Variants in SRGAP3 observed in about 807,000 individuals in gnomAD.
The protein encoded by SRGAP3 is SLIT-ROBO Rho GTPase activating protein 3.
Under a neutral mutation model 121.1 loss-of-function variants are expected in SRGAP3, and 39 were observed. That is an observed-to-expected ratio of 0.32 (90% confidence interval 0.25 to 0.42). SRGAP3 has a LOEUF of 0.42. SRGAP3 is among the 10% of genes least tolerant of loss of function. The pLI is 1.00. For missense variants in SRGAP3, 1,213 were observed against 1,470.6 expected, an observed-to-expected ratio of 0.82 and a Z score of 2.86; for synonymous variants, 601 against 570.0, an observed-to-expected ratio of 1.05 and a Z score of -0.77.
At chr3:9,351,297 G>C (rs549019868) in intron 1 of SRGAP3, among the ~76,000 whole-genome samples, 1 of 152,296 alleles carries the variant, frequency 6.6e-6, no homozygotes, top group South Asian at 2.1e-4. Context: ...CCATGTGCCA[G>C]AAATTTTACC....
chr3:9,360,457 TGTTCTATGTTTAATTTTTTGACGAAAG>T (rs560152376), intron 1 of SRGAP3, among the ~76,000 whole-genome samples: 1 of 152,328 alleles, frequency 6.6e-6, no homozygotes, highest in Admixed American at 6.5e-5. Context: ...GTGAGTAATG[TGTTCTATGTTTAATTTTTTGACGAAAG>T]GCTAAATTGT....
chr3:9,359,087 A>G (rs1272185719), intron 1 of SRGAP3, among the ~76,000 whole-genome samples: 1 of 152,216 alleles, frequency 6.6e-6, no homozygotes, highest in Non-Finnish European at 1.5e-5. Context: ...GGGGGGATAT[A>G]AATTCTATTT....
intron 1 of SRGAP3, among the ~76,000 whole-genome samples, chr3:9,175,676 T>C (rs903186704): frequency 3.9e-5 from 6 of 152,184 alleles, no homozygotes; most frequent in African/African-American, 1.4e-4. Context: ...CAGGAAATAT[T>C]TGTGGAGTTG....
intron 1 of SRGAP3, among the ~76,000 whole-genome samples, chr3:9,360,501 A>G (rs2030739589): frequency 6.6e-6 from 1 of 152,228 alleles, no homozygotes; most frequent in Non-Finnish European, 1.5e-5. Flanking sequence ...TTGTTTTCCA[A>G]TGGACGTGTA....
At chr3:9,213,571 A>G (rs1256500273) in intron 1 of SRGAP3, among the ~76,000 whole-genome samples, 3 of 152,104 alleles carry the variant, frequency 2.0e-5, no homozygotes, top group Non-Finnish European at 4.4e-5. Flanking sequence ...ATAGCCCCCA[A>G]CTGGTTTCAC....
intron 2 of SRGAP3, among the ~76,000 whole-genome samples, 198 bp downstream of exon 2, chr3:9,124,527 G>T (rs1330819875): frequency 1.3e-5 from 2 of 152,238 alleles, no homozygotes; most frequent in Non-Finnish European, 2.9e-5. Context: ...AACTTCTGCA[G>T]AGGAACTCTT....
chr3:9,096,280 T>C (rs1295806171), intron 3 of SRGAP3, among the ~76,000 whole-genome samples: 2 of 152,206 alleles, frequency 1.3e-5, no homozygotes, highest in African/African-American at 4.8e-5. Flanking sequence ...TATTTATATA[T>C]GAATGACAAT....
At chr3:9,026,909 A>C in intron 13 of SRGAP3, 26 bp downstream of exon 13, 6 of 1,613,928 alleles carry the variant, frequency 3.7e-6, no homozygotes, top group Non-Finnish European at 5.1e-6. Flanking sequence ...AGATTGCTGA[A>C]AACACTGGCC....
chr3:9,119,077 G>A (rs977702177), intron 2 of SRGAP3, among the ~76,000 whole-genome samples: 5 of 152,180 alleles, frequency 3.3e-5, no homozygotes, highest in South Asian at 2.1e-4. Flanking sequence ...CTGCCATCTC[G>A]GAGCTTGCAG....
At chr3:9,333,488 T>C (rs1311023246) in intron 1 of SRGAP3, among the ~76,000 whole-genome samples, 2 of 151,734 alleles carry the variant, frequency 1.3e-5, no homozygotes, top group Non-Finnish European at 2.9e-5. Context: ...AATTCCTCCT[T>C]GTCTTGAACC....
intron 1 of SRGAP3, among the ~76,000 whole-genome samples, chr3:9,224,584 G>A (rs1477393626): frequency 6.6e-6 from 1 of 152,150 alleles, no homozygotes; most frequent in African/African-American, 2.4e-5. Flanking sequence ...GTGGGAGAAA[G>A]GCCCCAAGAA....
At chr3:9,006,438 C>G (rs1477091453) in intron 18 of SRGAP3, among the ~76,000 whole-genome samples, 1 of 150,764 alleles carries the variant, frequency 6.6e-6, no homozygotes, top group Non-Finnish European at 1.5e-5. Context: ...GTGGCTATGA[C>G]TCCACAACTG....
At chr3:9,078,432 G>A (rs1262214421) in intron 4 of SRGAP3, among the ~76,000 whole-genome samples, 2 of 152,032 alleles carry the variant, frequency 1.3e-5, no homozygotes, top group Non-Finnish European at 2.9e-5. Context: ...GGTTTACCAG[G>A]CTTGCATTAT....
At chr3:9,073,317 G>GT (rs1946807386) in intron 4 of SRGAP3, among the ~76,000 whole-genome samples, 1 of 152,036 alleles carries the variant, frequency 6.6e-6, no homozygotes, top group Non-Finnish European at 1.5e-5. Flanking sequence ...CTAATTTTTT[G>GT]TATTTTTTGT....
intron 3 of SRGAP3, among the ~76,000 whole-genome samples, chr3:9,097,517 C>T (rs966556775): frequency 6.6e-6 from 1 of 152,202 alleles, no homozygotes; most frequent in Non-Finnish European, 1.5e-5. Flanking sequence ...CTGCACTAGA[C>T]TACCCACCTC....
chr3:9,054,760 A>T (rs1945739115), intron 8 of SRGAP3, among the ~76,000 whole-genome samples: 1 of 152,178 alleles, frequency 6.6e-6, no homozygotes. Context: ...CCCGGAGAGG[A>T]GGTGCTATGG....
chr3:9,316,828 C>G (rs1038290571), intron 3 of SRGAP3, among the ~76,000 whole-genome samples: 1 of 152,092 alleles, frequency 6.6e-6, no homozygotes, highest in Non-Finnish European at 1.5e-5. Context: ...TTGTTCTGCC[C>G]CCTTAACTAC....
intron 1 of SRGAP3, among the ~76,000 whole-genome samples, chr3:9,154,269 T>C (rs1052757855): frequency 1.3e-5 from 2 of 151,986 alleles, no homozygotes; most frequent in Non-Finnish European, 2.9e-5. Flanking sequence ...CTCACCCTCA[T>C]CACCAAACAG....
chr3:9,141,599 TG>T (rs1949855218), intron 1 of SRGAP3, among the ~76,000 whole-genome samples: 1 of 148,984 alleles, frequency 6.7e-6, no homozygotes, highest in Non-Finnish European at 1.5e-5. Context: ...TGTGTGTGTG[TG>T]TGTTCTTTTC....
Sources: gnomAD v4.1 joint callset for allele counts (sites outside exome capture counted in the v4.1 genomes callset) on GRCh38, gnomAD v4.1.1 for gene constraint, MANE v1.5 for transcripts, NCBI Gene and HGNC (gene_info 2026-07-23, HGNC 2026-07-21) for gene names.